Variants in CNTN6 observed in about 807,000 individuals in gnomAD.
CNTN6 encodes the protein contactin-6.
CNTN6 carries 137 observed loss-of-function variants against 122.8 expected under a neutral mutation model. That is an observed-to-expected ratio of 1.12 (90% CI 0.97 to 1.29). The LOEUF is 1.29. Ranked by LOEUF, CNTN6 falls within the 50% of genes most tolerant of loss-of-function variation. CNTN6 has a pLI of 0.00. For missense variants in CNTN6, 1,634 were observed against 1,223.4 expected, an observed-to-expected ratio of 1.34 and a Z score of -5.01; for synonymous variants, 570 against 426.0, an observed-to-expected ratio of 1.34 and a Z score of -4.16.
intron 2 of CNTN6, among the ~76,000 whole-genome samples, chr3:1,214,009 A>C (rs2094088558): frequency 6.6e-6 from 1 of 151,888 alleles, no homozygotes. Flanking sequence ...TCCCTCATTC[A>C]CTTCTCATTT....
At chr3:1,176,004 G>A (rs182595980) in intron 2 of CNTN6, among the ~76,000 whole-genome samples, 59 of 152,296 alleles carry the variant, frequency 3.9e-4, no homozygotes, top group African/African-American at 1.3e-3. Flanking sequence ...GGGTGAGATT[G>A]TAAGTGCTTC....
At chr3:1,324,804 C>T (rs1701309946) in intron 8 of CNTN6, among the ~76,000 whole-genome samples, 1 of 149,636 alleles carries the variant, frequency 6.7e-6, no homozygotes, top group Non-Finnish European at 1.5e-5. Flanking sequence ...TACTTAGGTT[C>T]TGCTTTTAGG....
At chr3:1,376,583 A>G (rs1481765402) in intron 16 of CNTN6, among the ~76,000 whole-genome samples, 1 of 152,070 alleles carries the variant, frequency 6.6e-6, no homozygotes, top group Non-Finnish European at 1.5e-5. Flanking sequence ...TATCCTGATG[A>G]CTAATAAAAG....
chr3:1,384,740 CATATATACACATATATAT>C (rs1692529620), intron 19 of CNTN6, among the ~76,000 whole-genome samples: 2 of 106,026 alleles, frequency 1.9e-5, no homozygotes, highest in African/African-American at 8.9e-5. Context: ...CATATATATA[CATATATACACATATATAT>C]ACATATATAT....
intron 20 of CNTN6, among the ~76,000 whole-genome samples, chr3:1,388,414 A>G (rs1208080797): frequency 6.6e-6 from 1 of 150,918 alleles, no homozygotes; most frequent in South Asian, 2.1e-4. Flanking sequence ...CCATCTGTAC[A>G]TCACCATCAT....
chr3:1,342,533 C>T (rs1704052706), intron 11 of CNTN6, among the ~76,000 whole-genome samples: 1 of 152,000 alleles, frequency 6.6e-6, no homozygotes, highest in African/African-American at 2.4e-5. Flanking sequence ...ATTTTTGTTT[C>T]CTTTCCTTTC....
chr3:1,326,406 A>C (rs887575081), intron 9 of CNTN6, among the ~76,000 whole-genome samples: 4 of 151,874 alleles, frequency 2.6e-5, no homozygotes, highest in Admixed American at 6.6e-5. Context: ...TACTTGTTTA[A>C]GGTCACACAG....
intron 1 of CNTN6, among the ~76,000 whole-genome samples, chr3:1,114,065 C>T (rs1240913086): frequency 1.3e-5 from 2 of 152,050 alleles, no homozygotes; most frequent in Admixed American, 6.6e-5. Context: ...ATTTCCAGCT[C>T]GGCAATCAGG....
chr3:1,294,080 A>G (rs1173647412), intron 5 of CNTN6, among the ~76,000 whole-genome samples: 1 of 152,160 alleles, frequency 6.6e-6, no homozygotes, highest in Non-Finnish European at 1.5e-5. Flanking sequence ...ACTTACATCT[A>G]CATTATGGCT....
chr3:1,116,100 G>A (rs145316570), intron 1 of CNTN6, among the ~76,000 whole-genome samples: 80 of 152,244 alleles, frequency 5.3e-4, no homozygotes, highest in African/African-American at 1.9e-3. Flanking sequence ...TTTATTCCCT[G>A]TAATCAGAAA....
At chr3:1,154,946 T>C (rs2092930503) in intron 2 of CNTN6, among the ~76,000 whole-genome samples, 1 of 152,226 alleles carries the variant, frequency 6.6e-6, no homozygotes. Context: ...GATTGTTCTC[T>C]GCTTAGGGTC....
chr3:1,384,796 TACACAC>T (rs1168789647), intron 19 of CNTN6, among the ~76,000 whole-genome samples: 10 of 133,788 alleles, frequency 7.5e-5, no homozygotes, highest in Non-Finnish European at 4.7e-5. Context: ...TATATATATA[TACACAC>T]ACACACACAC....
At chr3:1,229,866 C>G (rs964961282) in intron 4 of CNTN6, among the ~76,000 whole-genome samples, 1 of 152,178 alleles carries the variant, frequency 6.6e-6, no homozygotes, top group African/African-American at 2.4e-5. Context: ...ACCTTTAATG[C>G]AGAAAGTAAG....
At chr3:1,230,162 GA>G (rs2094336152) in intron 4 of CNTN6, among the ~76,000 whole-genome samples, 1 of 152,134 alleles carries the variant, frequency 6.6e-6, no homozygotes, top group Admixed American at 6.5e-5. Flanking sequence ...AATTGTGATA[GA>G]AAAGGCCTTT....
At chr3:1,260,217 C>T (rs1319241611) in intron 4 of CNTN6, among the ~76,000 whole-genome samples, 2 of 152,090 alleles carry the variant, frequency 1.3e-5, no homozygotes, top group African/African-American at 4.8e-5. Context: ...GAGAACTTTT[C>T]ACAAACACAG....
At chr3:1,257,183 T>A (rs1559629843) in intron 4 of CNTN6, among the ~76,000 whole-genome samples, 3 of 152,312 alleles carry the variant, frequency 2.0e-5, no homozygotes, top group Admixed American at 1.3e-4. Context: ...GTAAATTTCC[T>A]AAATTGGGTC....
chr3:1,093,614 G>C (rs1006182407), intron 1 of CNTN6, among the ~76,000 whole-genome samples: 1 of 152,032 alleles, frequency 6.6e-6, no homozygotes, highest in African/African-American at 2.4e-5. Context: ...AAGTTTCCTA[G>C]GGGAGAATTT....
intron 1 of CNTN6, among the ~76,000 whole-genome samples, chr3:1,110,015 G>A (rs2091407068): frequency 6.6e-6 from 1 of 151,954 alleles, no homozygotes; most frequent in East Asian, 1.9e-4. Context: ...CTAGTTAGTG[G>A]AGCATTTATT....
At chr3:1,134,308 C>T (rs1289155861) in intron 1 of CNTN6, among the ~76,000 whole-genome samples, 1 of 152,160 alleles carries the variant, frequency 6.6e-6, no homozygotes, top group East Asian at 1.9e-4. Context: ...ATTTACTCAA[C>T]TAATGTTGCT....
Sources: allele counts gnomAD v4.1 joint callset (sites outside exome capture counted in the v4.1 genomes callset), GRCh38; gene constraint gnomAD v4.1.1; transcripts MANE v1.5; gene names NCBI Gene and HGNC (gene_info 2026-07-23, HGNC 2026-07-21).